Variants in BABAM2 observed in about 807,000 individuals in gnomAD.
The protein encoded by BABAM2 is BRISC and BRCA1 A complex member 2, also known as BRISC and BRCA1-A complex member 2.
Under a neutral mutation model 54.7 loss-of-function variants are expected in BABAM2, and 31 were observed. That is an observed-to-expected ratio of 0.57 (90% CI 0.43 to 0.77). The LOEUF is 0.77. Among genes scored for constraint, BABAM2 ranks in the 30% least tolerant of loss-of-function variants. The pLI, the probability that BABAM2 is intolerant of heterozygous loss-of-function variation, is 0.00. For missense variants in BABAM2, 364 were observed against 455.8 expected, an observed-to-expected ratio of 0.80 and a Z score of 1.83; for synonymous variants, 167 against 162.9, an observed-to-expected ratio of 1.03 and a Z score of -0.19.
intron 11 of BABAM2, among the ~76,000 whole-genome samples, chr2:28,335,216 T>C (rs1691336461): frequency 7.1e-6 from 1 of 140,258 alleles, no homozygotes; most frequent in Non-Finnish European, 1.5e-5. Context: ...CAGGCTGGAG[T>C]GCCATGGTGC....
At chr2:27,925,596 T>G (rs756186344) in intron 2 of BABAM2, among the ~76,000 whole-genome samples, 1 of 152,126 alleles carries the variant, frequency 6.6e-6, no homozygotes, top group Non-Finnish European at 1.5e-5. Flanking sequence ...CTACAACCCT[T>G]AGAGGTTTGC....
chr2:28,250,318 CTT>C (rs35545683), intron 10 of BABAM2, among the ~76,000 whole-genome samples: 2 of 118,784 alleles, frequency 1.7e-5, no homozygotes, highest in African/African-American at 3.2e-5. Flanking sequence ...ATTTGTTGAA[CTT>C]TTTTTTTTTT....
chr2:28,006,631 G>A (rs1243009198), intron 4 of BABAM2, among the ~76,000 whole-genome samples: 1 of 151,964 alleles, frequency 6.6e-6, no homozygotes, highest in East Asian at 1.9e-4. Context: ...TTAAAAAGTG[G>A]CTATCTGTTC....
chr2:28,025,716 T>C (rs967163961), intron 5 of BABAM2, among the ~76,000 whole-genome samples: 1 of 152,174 alleles, frequency 6.6e-6, no homozygotes, highest in Admixed American at 6.5e-5. Flanking sequence ...CATGTTGTTA[T>C]GATGTATGTG....
rs570671746 is a variant in BABAM2 at position 28,121,729 on chromosome 2, T to C, written c.571-7542T>C. ...CATTTGTAACATACTATATATTTTATTTATTTTGTTAAATGCTTAAATGAA... is the reference window on the plus strand; with the variant it reads ...CATTTGTAACATACTATATATTTTACTTATTTTGTTAAATGCTTAAATGAA... On this transcript the variant is annotated intron_variant, in intron 6 of 11. Coordinates refer to ENST00000379624, the MANE Select transcript of BABAM2 (RefSeq NM_199191.3). Among the ~76,000 whole-genome samples the C allele has an allele frequency of 2.0e-5, 3 of 152,308 alleles. No homozygotes were observed. The East Asian group carries it at 5.8e-4, about 29-fold the overall frequency.
At chr2:27,931,214 C>CT (rs1375155608) in intron 3 of BABAM2, among the ~76,000 whole-genome samples, 3 of 151,196 alleles carry the variant, frequency 2.0e-5, no homozygotes, top group African/African-American at 4.9e-5. Context: ...GATTCGACTA[C>CT]TTTTTTTTTG....
At chr2:28,148,314 T>A (rs929099684) in intron 7 of BABAM2, among the ~76,000 whole-genome samples, 6 of 152,186 alleles carry the variant, frequency 3.9e-5, no homozygotes, top group African/African-American at 1.4e-4. Flanking sequence ...TAACCAGGAC[T>A]GTTTATTAAG....
At chr2:28,309,960 T>G in intron 11 of BABAM2, 15 of 1,066,694 alleles carry the variant, frequency 1.4e-5, no homozygotes, top group African/African-American at 1.6e-5. Flanking sequence ...GCCTTTTCCT[T>G]ATGGGGTTTA....
Position 28,045,786 on chromosome 2 carries a change from C to T in BABAM2, c.557C>T (p.Thr186Ile), listed in dbSNP as rs1677510948. 6.2e-7 allele frequency: 1 copy of T among 1,608,084 alleles called. No individual in the cohort carries two copies. Among genetic ancestry groups the T allele is most frequent in the Admixed American group, 1.7e-5 (1 of 59,984 alleles). The change falls in exon 6 of 12, where the codon ACA becomes ATA. Residue 186 changes from threonine to isoleucine, a missense_variant. By Grantham distance (89) the Thr-to-Ile change is moderately conservative. Transcript: ENST00000379624. ...KLPVDFSNIP[T>I]YLLKDVNEDP... ...CCCGTAGATTTCAGCAATATCCCCACATACCTTCTCAAGGTAAAAATATAT... is the reference window on the plus strand; with the variant it reads ...CCCGTAGATTTCAGCAATATCCCCATATACCTTCTCAAGGTAAAAATATAT...
chr2:28,224,047 A>G (rs1388153214), intron 7 of BABAM2, among the ~76,000 whole-genome samples: 1 of 152,232 alleles, frequency 6.6e-6, no homozygotes, highest in East Asian at 1.9e-4. Context: ...GTTGAAGAAG[A>G]GGCTATTTCC....
intron 6 of BABAM2, among the ~76,000 whole-genome samples, chr2:28,073,491 C>G (rs191026544): frequency 6.6e-6 from 1 of 152,242 alleles, no homozygotes; most frequent in Admixed American, 6.5e-5. Context: ...GAGCAAGACC[C>G]TGTCTCTAAA....
At chr2:28,267,536 CTG>C (rs1685090160) in intron 10 of BABAM2, among the ~76,000 whole-genome samples, 1 of 152,220 alleles carries the variant, frequency 6.6e-6, no homozygotes, top group Non-Finnish European at 1.5e-5. Context: ...CCCCCAGTCT[CTG>C]TGGCTAACAC....
rs545912368 is a variant in BABAM2 at position 28,061,986 on chromosome 2, C to T, written c.570+16187C>T. ...CATTTCCAGGATTGTTGGCCAGGTG[C>T]GGTGGCTCACGCCTGTAATCTCAGC... On this transcript the variant is annotated intron_variant, in intron 6 of 11. Transcript: ENST00000379624. 4.6e-5 allele frequency among the ~76,000 whole-genome samples: 7 copies of T among 152,170 alleles called. No homozygotes were observed. The East Asian group carries it at 5.8e-4, about 13-fold the overall frequency.
chr2:27,893,259 C>T (rs948021642), intron 1 of BABAM2, among the ~76,000 whole-genome samples: 3 of 152,154 alleles, frequency 2.0e-5, no homozygotes, highest in Non-Finnish European at 4.4e-5. Context: ...TGTACTCCCT[C>T]CCCCAGCCCT....
intron 10 of BABAM2, among the ~76,000 whole-genome samples, chr2:28,284,473 G>A (rs956823045): frequency 6.6e-6 from 1 of 151,820 alleles, no homozygotes; most frequent in Non-Finnish European, 1.5e-5. Flanking sequence ...GCACCTATGA[G>A]AATGGAGAGA....
In BABAM2 at chr2:28,025,420, G is replaced by A; in HGVS notation, c.495G>A (p.Trp165Ter). ...TTTATGCTGGGAAAAAAAACAACTG[G>A]GTAAGGATTTTTGAGAATGGAAAAA... ...MEIYAGKKNN[W>*]TGEFSARFLL... Residue 165 changes from tryptophan (W) to a stop codon, truncating the protein, a stop_gained and splice_region_variant, in exon 5 of 12, where the codon TGG (tryptophan) becomes TGA (stop). Coordinates refer to ENST00000379624, the MANE Select transcript of BABAM2 (RefSeq NM_199191.3). LOFTEE classifies it high-confidence loss of function. The A allele has an allele frequency of 1.3e-6, 2 of 1,556,972 alleles. No individual in the cohort carries two copies. The highest frequency in any genetic ancestry group is 1.7e-6 in the Non-Finnish European group (2 of 1,158,942).
intron 6 of BABAM2, among the ~76,000 whole-genome samples, chr2:28,055,192 CAT>C (rs1464184533): frequency 4.6e-5 from 7 of 152,110 alleles, no homozygotes; most frequent in African/African-American, 1.7e-4. Context: ...TGTTCTTACT[CAT>C]AAGTGGGAGC....
At chr2:27,938,946 A>G (rs1047370435) in intron 3 of BABAM2, among the ~76,000 whole-genome samples, 1 of 152,058 alleles carries the variant, frequency 6.6e-6, no homozygotes, top group Non-Finnish European at 1.5e-5. Context: ...GTATGGTTTA[A>G]ACTATAGTTA....
chr2:28,182,228 G>T (rs1158066945), intron 7 of BABAM2, among the ~76,000 whole-genome samples: 1 of 152,162 alleles, frequency 6.6e-6, no homozygotes, highest in African/African-American at 2.4e-5. Context: ...CTCTCTATTT[G>T]GGGGAGAATA....
Sources: gnomAD v4.1 joint callset for allele counts (sites outside exome capture counted in the v4.1 genomes callset) on GRCh38, gnomAD v4.1.1 for gene constraint, MANE v1.5 for transcripts, NCBI Gene and HGNC (gene_info 2026-07-23, HGNC 2026-07-21) for gene names.